The following NCOR2 variants were observed in gnomAD, a reference collection of about 807,000 sequenced individuals.
NCOR2 encodes nuclear receptor corepressor 2.
Under a neutral mutation model 262.9 loss-of-function variants are expected in NCOR2, and 81 were observed. The observed-to-expected ratio is 0.31, with a 90% CI of 0.26 to 0.37. NCOR2 has a LOEUF of 0.37. NCOR2 is among the 10% of genes least tolerant of loss of function. NCOR2 has a pLI of 1.00. For missense variants in NCOR2, 3,385 were observed against 3,621.4 expected, an observed-to-expected ratio of 0.93 and a Z score of 1.68; for synonymous variants, 1,659 against 1,559.3, an observed-to-expected ratio of 1.06 and a Z score of -1.51.
chr12:124,453,979 C>G (rs1261415244), intron 6 of NCOR2, among the ~76,000 whole-genome samples: 1 of 152,226 alleles, frequency 6.6e-6, no homozygotes, highest in Non-Finnish European at 1.5e-5. Context: ...GGAAGACACC[C>G]TGGGAACTGG....
At chr12:124,363,440 G>A (rs150407141) in intron 21 of NCOR2, among the ~76,000 whole-genome samples, 53 of 152,340 alleles carry the variant, frequency 3.5e-4, no homozygotes, top group South Asian at 1.2e-3. Flanking sequence ...AGGGTGCTGC[G>A]GGGTGGAAGG....
At chr12:124,352,304 A>G (rs1213512575) in intron 27 of NCOR2, among the ~76,000 whole-genome samples, 1 of 152,158 alleles carries the variant, frequency 6.6e-6, no homozygotes, top group Non-Finnish European at 1.5e-5. Context: ...TGTACTGCAG[A>G]AATCAGTGGC....
At position 124,483,579 on chromosome 12, in the gene NCOR2, TG is replaced by T; in HGVS notation, c.411+16del. 1 of 1,551,406 alleles carries T rather than the reference TG, an allele frequency of 6.4e-7. No homozygotes were observed. Among genetic ancestry groups the T allele is most frequent in the Admixed American group, 2.0e-5 (1 of 50,648 alleles). On this transcript the variant is annotated intron_variant, in intron 3 of 46. Coordinates refer to ENST00000405201, the Ensembl canonical transcript of NCOR2. The surrounding 1 kb of genome is among the most constrained non-coding windows in gnomAD (Gnocchi z 6.3). ...CTCAAGCGGGAGAGGAGCTCCCAGCTGGGGGCCCAGGCTTACCTTGGTGAGG... is the reference window on the plus strand; with the variant it reads ...CTCAAGCGGGAGAGGAGCTCCCAGCTGGGGCCCAGGCTTACCTTGGTGAGG...
At chr12:124,334,749 G>C (rs1049366024) in intron 40 of NCOR2, 132 bp from the exon 43 acceptor site, 1 of 579,774 alleles carries the variant, frequency 1.7e-6, no homozygotes, top group East Asian at 3.1e-5. Context: ...CTGTGGACCT[G>C]CCCGCCACCC....
chr12:124,499,457 A>G (rs977059671), upstream of NCOR2, among the ~76,000 whole-genome samples: 6 of 152,014 alleles, frequency 3.9e-5, no homozygotes, highest in African/African-American at 7.3e-5. Flanking sequence ...AGCCCTGGGG[A>G]GAGCCAGGAG....
intron 41 of NCOR2, among the ~76,000 whole-genome samples, chr12:124,333,672 C>T (rs1163956402): frequency 6.6e-6 from 1 of 151,948 alleles, no homozygotes; most frequent in Non-Finnish European, 1.5e-5. Context: ...CCCCCCGCCC[C>T]CACCAAAACG....
intron 13 of NCOR2, among the ~76,000 whole-genome samples, chr12:124,406,462 C>A (rs1236610978): frequency 6.6e-6 from 1 of 152,200 alleles, no homozygotes; most frequent in African/African-American, 2.4e-5. Flanking sequence ...TTCAAGAATC[C>A]TTGTCTCACA....
At chr12:124,336,559 A>G (rs2035923270) in intron 38 of NCOR2, 194 bp downstream of exon 40, 6 of 969,660 alleles carry the variant, frequency 6.2e-6, no homozygotes, top group Non-Finnish European at 6.1e-6. Context: ...AACAAAAAAA[A>G]CGGGGGCCAA....
At chr12:124,426,523 C>T in intron 11 of NCOR2, 99 bp downstream of exon 13, 1 of 1,224,444 alleles carries the variant, frequency 8.2e-7, no homozygotes. Context: ...TAAGCACCCC[C>T]CGGCATGCTC....
chr12:124,384,334 C>A (rs540082641), intron 17 of NCOR2, among the ~76,000 whole-genome samples: 1 of 152,352 alleles, frequency 6.6e-6, no homozygotes, highest in Admixed American at 6.5e-5. Flanking sequence ...TTCCTCCACA[C>A]CCAACCAGAA....
chr12:124,379,675 G>A (rs1045711624), intron 17 of NCOR2, among the ~76,000 whole-genome samples: 2 of 152,206 alleles, frequency 1.3e-5, no homozygotes, highest in Non-Finnish European at 2.9e-5. Flanking sequence ...GCCCTGTACT[G>A]GGTTGAATGG....
In NCOR2 at chr12:124,443,170, C is replaced by T. The variant is rs533035471; in HGVS notation, c.816-5174G>A. Among the ~76,000 whole-genome samples the T allele has an allele frequency of 1.8e-3, 275 of 152,302 alleles. 1 individual carries two copies. Among genetic ancestry groups the T allele is most frequent in the African/African-American group, 5.9e-3 (244 of 41,562 alleles). On this transcript the variant is annotated intron_variant, in intron 7 of 46. Coordinates refer to ENST00000405201, the Ensembl canonical transcript of NCOR2. The surrounding 1 kb of genome is among the most constrained non-coding windows in gnomAD (Gnocchi z 4.4). ...AGGCAGCGCTGAGAAGCTAGTCCGG[C>T]GTGTGATCTTCCACAAACCGCGGTG...
At chr12:124,434,067 G>C (rs1317477571) in intron 8 of NCOR2, among the ~76,000 whole-genome samples, 3 of 152,180 alleles carry the variant, frequency 2.0e-5, no homozygotes, top group African/African-American at 7.2e-5. Flanking sequence ...TGGGCCTCCA[G>C]AGGGTCCAGC....
chr12:124,425,290 C>G (rs907996100), intron 11 of NCOR2, among the ~76,000 whole-genome samples: 4 of 151,986 alleles, frequency 2.6e-5, no homozygotes, highest in Non-Finnish European at 2.9e-5. Context: ...AGGAGAATGG[C>G]GTGAACCCGG....
chr12:124,334,438 G>C (rs181072341), exon 41 of NCOR2: 1 of 1,502,266 alleles, frequency 6.7e-7, no homozygotes, highest in Non-Finnish European at 8.9e-7. Context: ...TGCCCCCTTC[G>C]CTGTGGGGGG....
At position 124,371,483 on chromosome 12, in the gene NCOR2, A is replaced by C. The variant is rs1309919120; in HGVS notation, c.2807+539T>G. ...CCCATCCAATGCCTGGTGTCCTCAG[A>C]AGAAGAAAGTGTGGACACAGAGATG... On this transcript the variant is annotated intron_variant, in intron 20 of 46. Coordinates refer to ENST00000405201, the Ensembl canonical transcript of NCOR2. 1.2e-4 allele frequency among the ~76,000 whole-genome samples: 19 copies of C among 152,228 alleles called. 1 individual carries two copies. The highest frequency in any genetic ancestry group is 1.2e-3 in the Admixed American group (19 of 15,282).
exon 11 of NCOR2, chr12:124,426,651 A>G (rs1223424377): frequency 1.9e-6 from 3 of 1,595,698 alleles, no homozygotes; most frequent in East Asian, 4.5e-5. Context: ...TCTCCTGCTC[A>G]CTCCACATGT....
chr12:124,546,403 T>G (rs1302375918), intron 1 of NCOR2, among the ~76,000 whole-genome samples: 1 of 152,094 alleles, frequency 6.6e-6, no homozygotes, highest in African/African-American at 2.4e-5. Flanking sequence ...TTCGTAAGTT[T>G]TTGGGTTTTG....
chr12:124,362,138 C>T lies in NCOR2; in HGVS notation c.3088G>A (p.Ala1030Thr), dbSNP rs536539471. 1.1e-4 allele frequency: 137 copies of T among 1,300,626 alleles called. No homozygotes were observed. The South Asian group carries it at 3.5e-3, about 33-fold the overall frequency. 80.6% of individuals were successfully genotyped at this position (1,300,626 alleles called of 1,614,324 possible). Reference sequence around the variant, plus strand: ...GGTGTGCACTCACCCTCCTTGTCGGCGGGGGGTGCCGGGCTCCTGCTCTTG... The same window carrying T: ...GGTGTGCACTCACCCTCCTTGTCGGTGGGGGGTGCCGGGCTCCTGCTCTTG... The change falls in exon 22 of 47, where the codon GCC becomes ACC. Residue 1030 changes from alanine to threonine, a missense_variant. By Grantham distance (58) the Ala-to-Thr change is moderately conservative. Coordinates refer to ENST00000405201, the Ensembl canonical transcript of NCOR2.
Sources: allele counts gnomAD v4.1 joint callset (sites outside exome capture counted in the v4.1 genomes callset), GRCh38; gene constraint gnomAD v4.1.1; non-coding constraint Gnocchi (gnomAD v3.1); transcripts MANE v1.5; gene names NCBI Gene and HGNC (gene_info 2026-07-23, HGNC 2026-07-21).